PRKN: variants seen among roughly 807,000 people sequenced by gnomAD.
PRKN encodes E3 ubiquitin-protein ligase parkin.
A neutral mutation model predicts 59.5 loss-of-function variants in PRKN; 56 were observed. The ratio of observed to expected loss-of-function variants is 0.94; its 90% CI spans 0.76 to 1.18. The LOEUF (loss-of-function observed/expected upper bound fraction) is 1.18, where lower values mean the gene tolerates loss of function less well. PRKN is among the 50% of genes most tolerant of loss of function. The pLI is 0.00. For missense variants in PRKN, 657 were observed against 596.4 expected (o/e 1.10, Z -1.06); for synonymous variants, 250 against 222.1 (o/e 1.13, Z -1.12).
intron 9 of PRKN, among the ~76,000 whole-genome samples, chr6:161,492,580 A>T (rs1316927900): frequency 2.6e-5 from 4 of 152,198 alleles, no homozygotes; most frequent in Non-Finnish European, 4.4e-5. Context: ...TCTAGACACC[A>T]CATATTAGGA....
At chr6:162,027,974 T>C (rs1434390218) in intron 5 of PRKN, among the ~76,000 whole-genome samples, 1 of 151,750 alleles carries the variant, frequency 6.6e-6, no homozygotes, top group African/African-American at 2.4e-5. Context: ...TAATTTCCCA[T>C]ATTGCCAGGA....
chr6:162,302,963 T>TACACACACAC (rs71004084), intron 2 of PRKN, among the ~76,000 whole-genome samples: 1,953 of 139,536 alleles, frequency 0.014, 32 homozygotes, highest in African/African-American at 0.026. Flanking sequence ...GCCTTAAACA[T>TACACACACAC]ACACACACAC....
chr6:161,976,604 G>A (rs1781043008), intron 5 of PRKN, among the ~76,000 whole-genome samples: 1 of 152,176 alleles, frequency 6.6e-6, no homozygotes, highest in Non-Finnish European at 1.5e-5. Context: ...TCAATGGCCA[G>A]CTCAAGGGTA....
intron 4 of PRKN, among the ~76,000 whole-genome samples, chr6:162,168,746 T>G (rs1783111940): frequency 6.6e-6 from 1 of 152,068 alleles, no homozygotes; most frequent in African/African-American, 2.4e-5. Context: ...AAATCTTACG[T>G]ACAATCATTG....
intron 5 of PRKN, among the ~76,000 whole-genome samples, chr6:161,999,752 T>G (rs917243552): frequency 6.6e-6 from 1 of 152,186 alleles, no homozygotes; most frequent in African/African-American, 2.4e-5. Flanking sequence ...AACAGGACAC[T>G]TTGGTCAGCT....
At chr6:162,670,801 A>C (rs2128230159) in intron 1 of PRKN, among the ~76,000 whole-genome samples, 1 of 152,360 alleles carries the variant, frequency 6.6e-6, no homozygotes, top group South Asian at 2.1e-4. Context: ...GAATTTAAGA[A>C]AATCATCAGA....
intron 4 of PRKN, 71 bp from the exon 5 acceptor site, chr6:162,054,245 A>G (rs1480286197): frequency 2.1e-6 from 2 of 935,128 alleles, no homozygotes; most frequent in Non-Finnish European, 3.5e-6. Flanking sequence ...ACATGTTTCC[A>G]CTTATGTTAT....
At chr6:162,446,907 T>TTA (rs1392396117) in intron 1 of PRKN, among the ~76,000 whole-genome samples, 1 of 152,132 alleles carries the variant, frequency 6.6e-6, no homozygotes, top group Non-Finnish European at 1.5e-5. Flanking sequence ...TACTACCTCT[T>TTA]TAAAGTCACA....
Position 161,488,039 on chromosome 6 carries a change from T to C in PRKN, c.1083+60815A>G, listed in dbSNP as rs2115262465. On this transcript the variant is annotated intron_variant, in intron 9 of 11. Coordinates refer to ENST00000366898, the MANE Select transcript of PRKN (RefSeq NM_004562.3). The surrounding 1 kb of genome is among the most constrained non-coding windows in gnomAD (Gnocchi z 4.5). ...TAAGCAAGGCAATTGAATAATGTAA[T>C]TCCAGTTAGTGGTAAGTGATGAAGA... 6.6e-6 allele frequency among the ~76,000 whole-genome samples: 1 copy of C among 152,340 alleles called. No homozygotes were observed. The highest frequency in any genetic ancestry group is 2.4e-5 in the African/African-American group (1 of 41,588).
chr6:162,165,946 G>C (rs986926053), intron 4 of PRKN, among the ~76,000 whole-genome samples: 1 of 151,188 alleles, frequency 6.6e-6, no homozygotes, highest in Non-Finnish European at 1.5e-5. Context: ...TACTCAGGAG[G>C]CTGAAACAGG....
intron 1 of PRKN, among the ~76,000 whole-genome samples, chr6:162,519,195 C>T (rs1381525330): frequency 6.6e-6 from 1 of 152,086 alleles, no homozygotes; most frequent in African/African-American, 2.4e-5. Context: ...CAAAAACCTA[C>T]TGGCAATAAG....
intron 5 of PRKN, among the ~76,000 whole-genome samples, chr6:162,017,047 A>G (rs1314176843): frequency 6.6e-6 from 1 of 152,072 alleles, no homozygotes; most frequent in Non-Finnish European, 1.5e-5. Context: ...ATTAACAAAG[A>G]GTTTGTCTTA....
chr6:162,492,956 C>CAAAA (rs34716532), intron 1 of PRKN, among the ~76,000 whole-genome samples: 58 of 110,288 alleles, frequency 5.3e-4, no homozygotes, highest in East Asian at 1.2e-3. Flanking sequence ...TTGTCTCAAA[C>CAAAA]AAAAAAAAAA....
intron 6 of PRKN, among the ~76,000 whole-genome samples, chr6:161,830,049 C>T (rs1792419320): frequency 6.6e-6 from 1 of 152,012 alleles, no homozygotes; most frequent in African/African-American, 2.4e-5. Flanking sequence ...CTCTTATTCA[C>T]CTCCCACAGC....
intron 7 of PRKN, among the ~76,000 whole-genome samples, chr6:161,773,104 G>A (rs921385477): frequency 2.6e-5 from 4 of 152,190 alleles, no homozygotes; most frequent in African/African-American, 9.7e-5. Context: ...GGCTATGGAG[G>A]AGATCACACG....
intron 7 of PRKN, among the ~76,000 whole-genome samples, chr6:161,572,724 T>C (rs555354334): frequency 5.3e-5 from 8 of 152,078 alleles, no homozygotes; most frequent in Non-Finnish European, 1.2e-4. Flanking sequence ...ACATAATACA[T>C]TAGCTTTCAC....
Position 161,767,442 on chromosome 6 carries a change from G to C in PRKN, c.871+18330C>G, listed in dbSNP as rs952774432. Among the ~76,000 whole-genome samples the C allele has an allele frequency of 2.0e-5, 3 of 152,178 alleles. No individual in the cohort carries two copies. The South Asian group carries it at 6.2e-4, about 32-fold the overall frequency. Reference sequence around the variant, plus strand: ...TGAAGCAGGAGAATGGCGTGAGCCCGGGAGGCGGAGCTTGCAGTGAGCCAA... The same window carrying C: ...TGAAGCAGGAGAATGGCGTGAGCCCCGGAGGCGGAGCTTGCAGTGAGCCAA... On this transcript the variant is annotated intron_variant, in intron 7 of 11. Transcript: ENST00000366898.
At chr6:162,686,911 T>G (rs1777579518) in intron 1 of PRKN, among the ~76,000 whole-genome samples, 1 of 152,214 alleles carries the variant, frequency 6.6e-6, no homozygotes, top group Non-Finnish European at 1.5e-5. Flanking sequence ...TTGTTTTAGT[T>G]ACTGTAGTCT....
intron 1 of PRKN, among the ~76,000 whole-genome samples, chr6:162,669,656 A>G (rs968410375): frequency 7.2e-5 from 11 of 152,178 alleles, no homozygotes; most frequent in African/African-American, 2.7e-4. Context: ...AACATGAATC[A>G]TCCTAGACTA....
Sources: allele counts gnomAD v4.1 joint callset (sites outside exome capture counted in the v4.1 genomes callset), GRCh38; gene constraint gnomAD v4.1.1; non-coding constraint Gnocchi (gnomAD v3.1); transcripts MANE v1.5; gene names NCBI Gene and HGNC (gene_info 2026-07-23, HGNC 2026-07-21).